The following ZCCHC4 variants were observed in gnomAD, a reference collection of about 807,000 sequenced individuals.
ZCCHC4 encodes the protein zinc finger CCHC-type containing 4.
A neutral mutation model predicts 67.7 loss-of-function variants in ZCCHC4; 54 were observed. That is an observed-to-expected ratio of 0.80 (90% CI 0.64 to 1.00). The LOEUF (loss-of-function observed/expected upper bound fraction) is 1.00, where lower values mean the gene tolerates loss of function less well. ZCCHC4 is among the 50% of genes least tolerant of loss of function. The pLI is 0.00. For synonymous variants in ZCCHC4, 198 were observed against 213.5 expected (o/e 0.93, Z 0.63); for missense variants, 609 against 617.0 (o/e 0.99, Z 0.14).
intron 8 of ZCCHC4, among the ~76,000 whole-genome samples, chr4:25,353,242 G>T (rs2109085068): frequency 6.6e-6 from 1 of 152,086 alleles, no homozygotes; most frequent in Middle Eastern, 3.4e-3. Context: ...TATATAACTT[G>T]CTTAAAATAG....
At chr4:25,344,926 C>CA (rs1196297159) in intron 5 of ZCCHC4, among the ~76,000 whole-genome samples, 1 of 151,780 alleles carries the variant, frequency 6.6e-6, no homozygotes. Flanking sequence ...CCTCAGCCTT[C>CA]ATAGTAGCTG....
intron 12 of ZCCHC4, 31 bp from the exon 13 acceptor site, chr4:25,368,998 C>A: frequency 6.3e-7 from 1 of 1,592,238 alleles, no homozygotes; most frequent in South Asian, 1.2e-5. Flanking sequence ...TGTGCTCATT[C>A]TGTGAAATAA....
rs561226098 is a variant in ZCCHC4 at position 25,333,987 on chromosome 4, C to T, written c.685C>T (p.Arg229Trp). ...AAGCCTTTTATTGGATATTGATTTT[C>T]GGTAGGTTTACAAAATACAGTATTT... ...IKSLLLDIDF[R>W]YSQFYMEDSF... The change falls in exon 5 of 13, where the codon CGG becomes TGG. Residue 229 changes from arginine (R) to tryptophan (W), a missense_variant and splice_region_variant. By Grantham distance (101) the Arg-to-Trp change is moderately radical. Coordinates refer to ENST00000302874, the MANE Select transcript of ZCCHC4 (RefSeq NM_024936.3). The T allele has an allele frequency of 2.7e-5, 43 of 1,587,082 alleles. No homozygotes were observed. The highest frequency in any genetic ancestry group is 1.1e-4 in the East Asian group (5 of 44,454).
chr4:25,364,972 A>C (rs1434029542), intron 11 of ZCCHC4, 50 bp from the exon 12 acceptor site: 1 of 1,608,564 alleles, frequency 6.2e-7, no homozygotes, highest in East Asian at 2.2e-5. Context: ...TAATAAGATG[A>C]AAAATTACGT....
At chr4:25,366,231 C>G (rs1416960698) in intron 12 of ZCCHC4, 2 of 928,624 alleles carry the variant, frequency 2.2e-6, no homozygotes, top group Non-Finnish European at 2.6e-6. Context: ...TACATTTACT[C>G]TACTTTAAAT....
At position 25,349,483 on chromosome 4, in the gene ZCCHC4, T is replaced by G; in HGVS notation, c.760-9T>G. On this transcript the variant is annotated splice_polypyrimidine_tract_variant and intron_variant, in intron 6 of 12. Transcript: ENST00000302874. ...TCCTAATTTAGAAATGAATTTTTAT[T>G]TGTTCCAGACTGCCCTTGAAGTATG... is the stretch of plus-strand genomic sequence containing the variant. 6.2e-7 allele frequency: 1 copy of G among 1,611,512 alleles called. No individual in the cohort carries two copies. Among genetic ancestry groups the G allele is most frequent in the Non-Finnish European group, 8.5e-7 (1 of 1,179,018 alleles).
At chr4:25,345,348 A>G (rs937376681) in intron 5 of ZCCHC4, among the ~76,000 whole-genome samples, 200 bp from the exon 6 acceptor site, 1 of 152,212 alleles carries the variant, frequency 6.6e-6, no homozygotes, top group Non-Finnish European at 1.5e-5. Context: ...ACTACTGGTT[A>G]ATTAAACATG....
rs71188998 is a variant in ZCCHC4, at chr4:25,324,014, G to GTT, written c.329+8629_329+8630dup. Among the ~76,000 whole-genome samples, 69 of 82,430 alleles carry GTT rather than the reference G, an allele frequency of 8.4e-4. 9 individuals are homozygous for GTT. The highest frequency in any genetic ancestry group is 2.1e-3 in the Admixed American group (12 of 5,836). The allele number at this position is 82,430 out of a possible 152,430, so 54.1% of individuals were successfully genotyped here. On this transcript the variant is annotated intron_variant, in intron 3 of 12. Transcript: ENST00000302874. ...TCGTACAGTATGTACTGTTTTTTGT[G>GTT]TTTTTTTTTTTTTTTTGAGACAGAG...
At chr4:25,326,185 C>T (rs1718876147) in intron 3 of ZCCHC4, among the ~76,000 whole-genome samples, 3 of 152,198 alleles carry the variant, frequency 2.0e-5, no homozygotes, top group East Asian at 1.9e-4. Context: ...CTTTTTCCAG[C>T]GTCTGGGACC....
Position 25,347,790 on chromosome 4 carries a change from A to G in ZCCHC4, c.760-1702A>G, listed in dbSNP as rs952516705. ...ATTGCAAATCATAGAGTCTTTAAAA[A>G]AATGTCATCTGCCTTAATGGCAAAG... On this transcript the variant is annotated intron_variant, in intron 6 of 12. Transcript: ENST00000302874. Among the ~76,000 whole-genome samples, 4 of 152,364 alleles carry G rather than the reference A, an allele frequency of 2.6e-5. No homozygotes were observed. In the East Asian group the frequency reaches 7.7e-4, roughly 29 times the overall value.
chr4:25,314,132 G>T lies in ZCCHC4; in HGVS notation c.214G>T (p.Asp72Tyr), dbSNP rs144236014. The change falls in exon 2 of 13, where the codon GAC becomes TAC. Residue 72 changes from aspartate (D) to tyrosine (Y), a missense_variant. Coordinates refer to ENST00000302874, the MANE Select transcript of ZCCHC4 (RefSeq NM_024936.3). The stretch of plus-strand genomic sequence containing the variant: ...CTGTTCAGCCTGTAGAGATAGAAAA[G>T]ACTGTAATTTTTTTCAGTGGGAAGA... ...YACSACRDRK[D>Y]CNFFQWEDEK... The T allele has an allele frequency of 2.8e-5, 45 of 1,605,750 alleles. No homozygotes were observed. The African/African-American group carries it at 5.0e-4, about 18-fold the overall frequency.
Position 25,334,792 on chromosome 4 carries a change from G to A in ZCCHC4, c.686+804G>A, listed in dbSNP as rs1391113245. Among the ~76,000 whole-genome samples the A allele has an allele frequency of 5.9e-5, 9 of 151,986 alleles. No individual in the cohort carries two copies. The East Asian group carries it at 1.7e-3, about 29-fold the overall frequency. On this transcript the variant is annotated intron_variant, in intron 5 of 12. Coordinates refer to ENST00000302874, the MANE Select transcript of ZCCHC4 (RefSeq NM_024936.3). Reference sequence around the variant, plus strand: ...GAAGGTGTTGAAGGAATCAGGCTTTGTGTTTCCTTTTATTTAGATCTGCTT... The same window carrying A: ...GAAGGTGTTGAAGGAATCAGGCTTTATGTTTCCTTTTATTTAGATCTGCTT...
At chr4:25,354,580 A>G (rs1436360632) in intron 8 of ZCCHC4, among the ~76,000 whole-genome samples, 2 of 152,252 alleles carry the variant, frequency 1.3e-5, no homozygotes, top group South Asian at 2.1e-4. Flanking sequence ...CAATTTTTCT[A>G]TTTTTTGAAA....
At chr4:25,358,342 A>G (rs1006901968) in intron 8 of ZCCHC4, among the ~76,000 whole-genome samples, 3 of 152,222 alleles carry the variant, frequency 2.0e-5, no homozygotes, top group African/African-American at 7.2e-5. Flanking sequence ...GTTCTTAAAC[A>G]TAAGATGACA....
intron 12 of ZCCHC4, among the ~76,000 whole-genome samples, chr4:25,367,802 A>C (rs1398094107): frequency 6.6e-6 from 1 of 152,216 alleles, no homozygotes; most frequent in Admixed American, 6.5e-5. Flanking sequence ...GGAACTAATA[A>C]TAGCTAATAC....
At chr4:25,342,961 A>C (rs1719825685) in intron 5 of ZCCHC4, among the ~76,000 whole-genome samples, 1 of 152,186 alleles carries the variant, frequency 6.6e-6, no homozygotes, top group Non-Finnish European at 1.5e-5. Context: ...AATTTTTAAA[A>C]ATGACTGTTG....
intron 10 of ZCCHC4, 47 bp downstream of exon 10, chr4:25,362,348 T>C: frequency 7.8e-7 from 1 of 1,289,476 alleles, no homozygotes; most frequent in Non-Finnish European, 1.1e-6. Flanking sequence ...ATATTCATTT[T>C]ATTTTAGTTT....
intron 3 of ZCCHC4, among the ~76,000 whole-genome samples, chr4:25,315,620 T>G (rs1290883360): frequency 6.6e-6 from 1 of 152,130 alleles, no homozygotes; most frequent in Non-Finnish European, 1.5e-5. Context: ...CAAAACTTTT[T>G]CATCACTCCA....
At position 25,345,879 on chromosome 4, in the gene ZCCHC4, C is replaced by G. The variant is rs141954792; in HGVS notation, c.759+259C>G. On this transcript the variant is annotated intron_variant, in intron 6 of 12. Transcript: ENST00000302874. ...CCGTGGGGCTCTGTGTGATCTGACC[C>G]CGATTTCCACTCTAGCCTCCCCTCT... Among the ~76,000 whole-genome samples, 783 of 152,254 alleles carry G rather than the reference C, an allele frequency of 5.1e-3. 6 individuals are homozygous for G. Among genetic ancestry groups the G allele is most frequent in the African/African-American group, 0.018 (742 of 41,544 alleles).
Sources: allele counts gnomAD v4.1 joint callset (sites outside exome capture counted in the v4.1 genomes callset), GRCh38; gene constraint gnomAD v4.1.1; transcripts MANE v1.5; gene names NCBI Gene and HGNC (gene_info 2026-07-23, HGNC 2026-07-21).